Variants in SRGAP1 observed in about 807,000 individuals in gnomAD.
The protein encoded by SRGAP1 is SLIT-ROBO Rho GTPase activating protein 1, also known as SLIT-ROBO Rho GTPase-activating protein 1.
SRGAP1 carries 43 observed loss-of-function variants against 121.9 expected under a neutral mutation model. That is an observed-to-expected ratio of 0.35 (90% CI 0.28 to 0.46). The LOEUF is 0.46. SRGAP1 is among the 20% of genes least tolerant of loss of function. The probability of loss-of-function intolerance (pLI) is 1.00; values close to 1 mark genes in which losing one functional copy is unlikely to be tolerated. For synonymous variants in SRGAP1, 447 were observed against 485.4 expected, an observed-to-expected ratio of 0.92 and a Z score of 1.04; for missense variants, 1,102 against 1,350.9, an observed-to-expected ratio of 0.82 and a Z score of 2.89.
At chr12:63,986,095 C>G (rs1413871667) in intron 2 of SRGAP1, among the ~76,000 whole-genome samples, 1 of 151,988 alleles carries the variant, frequency 6.6e-6, no homozygotes, top group East Asian at 1.9e-4. Flanking sequence ...CTCTCTGTCT[C>G]TTCTCTTTTC....
At position 63,854,896 on chromosome 12, in the gene SRGAP1, A is replaced by G. The variant is rs140681766; in HGVS notation, c.67+10013A>G. On this transcript the variant is annotated intron_variant, in intron 1 of 21. Transcript: ENST00000355086. ...AGGTGTACTTGCTGGGTCACTGGGA[A>G]TGTGCATGTTCATCTTTACCAGGTA... 3.6e-3 allele frequency among the ~76,000 whole-genome samples: 551 copies of G among 152,292 alleles called. 3 individuals are homozygous for G. Among genetic ancestry groups the G allele is most frequent in the African/African-American group, 0.013 (531 of 41,562 alleles).
intron 10 of SRGAP1, among the ~76,000 whole-genome samples, chr12:64,085,851 C>A (rs1160414787): frequency 6.6e-6 from 1 of 152,312 alleles, no homozygotes; most frequent in South Asian, 2.1e-4. Flanking sequence ...CAAGTCATGT[C>A]CATGAACTCA....
At chr12:63,854,091 G>T (rs1310685038) in intron 1 of SRGAP1, among the ~76,000 whole-genome samples, 1 of 152,124 alleles carries the variant, frequency 6.6e-6, no homozygotes, top group South Asian at 2.1e-4. Flanking sequence ...TAGTAGCTTT[G>T]AATACTTCAG....
chr12:64,005,761 C>A (rs867037193), intron 3 of SRGAP1, among the ~76,000 whole-genome samples: 1 of 152,088 alleles, frequency 6.6e-6, no homozygotes, highest in African/African-American at 2.4e-5. Context: ...ATCACTCTAC[C>A]GAAGAAGTCA....
At chr12:64,131,696 G>A (rs749390462) in intron 21 of SRGAP1, among the ~76,000 whole-genome samples, 6 of 152,160 alleles carry the variant, frequency 3.9e-5, no homozygotes, top group African/African-American at 1.4e-4. Flanking sequence ...GCATGAGCTC[G>A]ATCACATATA....
At chr12:63,896,592 G>A (rs1478602492) in intron 1 of SRGAP1, among the ~76,000 whole-genome samples, 1 of 152,172 alleles carries the variant, frequency 6.6e-6, no homozygotes, top group Non-Finnish European at 1.5e-5. Flanking sequence ...TGTCTAAGTG[G>A]TCTAAATCCA....
At chr12:64,015,809 C>T (rs1005510314) in intron 3 of SRGAP1, among the ~76,000 whole-genome samples, 3 of 152,164 alleles carry the variant, frequency 2.0e-5, no homozygotes, top group Admixed American at 6.6e-5. Context: ...GGTACATTCA[C>T]GGACCAGTGG....
intron 1 of SRGAP1, among the ~76,000 whole-genome samples, chr12:63,849,828 G>T (rs114665322): frequency 7.0e-4 from 107 of 152,290 alleles, no homozygotes; most frequent in African/African-American, 2.5e-3. Context: ...ACGTACCTGG[G>T]ACCAGAACCC....
At chr12:63,869,234 T>C (rs1276401703) in intron 1 of SRGAP1, among the ~76,000 whole-genome samples, 2 of 152,182 alleles carry the variant, frequency 1.3e-5, no homozygotes, top group African/African-American at 2.4e-5. Context: ...GCCTTCTTGC[T>C]ACATCATCCC....
chr12:63,906,892 T>G (rs371851399), intron 1 of SRGAP1, among the ~76,000 whole-genome samples: 9 of 152,036 alleles, frequency 5.9e-5, no homozygotes, highest in East Asian at 1.9e-4. Context: ...TTTTTTTTTT[T>G]TGTGACTGAG....
At chr12:64,127,761 G>A (rs371110994) in intron 20 of SRGAP1, 37 bp downstream of exon 20, 14 of 1,610,272 alleles carry the variant, frequency 8.7e-6, no homozygotes, top group Middle Eastern at 3.3e-4. Context: ...CTAAGCCTCC[G>A]CTCCTCCTGG....
At chr12:64,027,576 C>A (rs1358723772) in intron 4 of SRGAP1, among the ~76,000 whole-genome samples, 1 of 152,100 alleles carries the variant, frequency 6.6e-6, no homozygotes, top group Non-Finnish European at 1.5e-5. Context: ...TTCATAGAAT[C>A]TCCCTCTGGA....
At chr12:64,134,630 C>A (rs1419267558) in intron 21 of SRGAP1, among the ~76,000 whole-genome samples, 1 of 152,076 alleles carries the variant, frequency 6.6e-6, no homozygotes, top group Non-Finnish European at 1.5e-5. Flanking sequence ...AGTGGGCCAT[C>A]TTTCAATCCA....
chr12:63,948,893 TA>T (rs1369671485), intron 1 of SRGAP1, among the ~76,000 whole-genome samples: 7 of 90,028 alleles, frequency 7.8e-5, no homozygotes, highest in African/African-American at 2.5e-4. Context: ...CATATATATA[TA>T]TTCCATATAT....
chr12:64,093,978 A>G (rs1173535709), intron 12 of SRGAP1, among the ~76,000 whole-genome samples: 1 of 152,136 alleles, frequency 6.6e-6, no homozygotes, highest in Admixed American at 6.5e-5. Context: ...AAGACAACCA[A>G]CTTTTTCTTG....
chr12:63,882,119 C>T (rs1021839978), intron 1 of SRGAP1, among the ~76,000 whole-genome samples: 22 of 151,968 alleles, frequency 1.4e-4, no homozygotes, highest in Non-Finnish European at 7.4e-5. Flanking sequence ...GCAAAAACTG[C>T]GATTACTTTT....
At chr12:64,089,119 A>T (rs1252415338) in intron 11 of SRGAP1, among the ~76,000 whole-genome samples, 1 of 152,132 alleles carries the variant, frequency 6.6e-6, no homozygotes, top group African/African-American at 2.4e-5. Flanking sequence ...TGCCTTTTGT[A>T]TGCAAGCCAG....
chr12:63,882,535 C>A, intron 1 of SRGAP1, among the ~76,000 whole-genome samples: 1 of 152,146 alleles, frequency 6.6e-6, no homozygotes, highest in East Asian at 1.9e-4. Flanking sequence ...CCACCCGCCT[C>A]GGCCTCCCAA....
intron 21 of SRGAP1, among the ~76,000 whole-genome samples, chr12:64,137,961 A>AAAAAATATATATAT (rs372355390): frequency 7.2e-6 from 1 of 139,684 alleles, no homozygotes; most frequent in African/African-American, 2.7e-5. Flanking sequence ...TTAAAAAAAA[A>AAAAAATATATATAT]ATATATATAT....
Sources: allele counts gnomAD v4.1 joint callset (sites outside exome capture counted in the v4.1 genomes callset), GRCh38; gene constraint gnomAD v4.1.1; transcripts MANE v1.5; gene names NCBI Gene and HGNC (gene_info 2026-07-23, HGNC 2026-07-21).